The following NRXN3 variants were observed in gnomAD, a reference collection of about 807,000 sequenced individuals.
NRXN3 encodes the protein neurexin III.
NRXN3 carries 32 observed loss-of-function variants against 137.6 expected under a neutral mutation model. That is an observed-to-expected ratio of 0.23 (90% CI 0.18 to 0.31). The LOEUF (loss-of-function observed/expected upper bound fraction) is 0.31, where lower values mean the gene tolerates loss of function less well. Ranked by LOEUF, NRXN3 falls within the 10% of genes least tolerant of loss-of-function variation. The pLI, the probability that NRXN3 is intolerant of heterozygous loss-of-function variation, is 1.00. For synonymous variants in NRXN3, 798 were observed against 784.5 expected, an observed-to-expected ratio of 1.02 and a Z score of -0.29; for missense variants, 1,574 against 2,062.5, an observed-to-expected ratio of 0.76 and a Z score of 4.59.
At chr14:78,716,134 C>T (rs1389562640) in intron 8 of NRXN3, among the ~76,000 whole-genome samples, 2 of 152,142 alleles carry the variant, frequency 1.3e-5, no homozygotes, top group South Asian at 2.1e-4. Flanking sequence ...GGAGGATTCC[C>T]TTTTCGTTCA....
intron 8 of NRXN3, among the ~76,000 whole-genome samples, chr14:78,718,338 G>A (rs1057291558): frequency 3.3e-5 from 5 of 152,278 alleles, no homozygotes; most frequent in African/African-American, 1.2e-4. Flanking sequence ...GTGTTAGAAA[G>A]AAGCACTTGT....
intron 15 of NRXN3, among the ~76,000 whole-genome samples, chr14:79,205,463 A>C (rs1034705236): frequency 6.6e-6 from 1 of 152,204 alleles, no homozygotes; most frequent in Non-Finnish European, 1.5e-5. Context: ...CTGCCTAAAA[A>C]GTTTGTTACT....
At chr14:79,190,888 C>T (rs1170943277) in intron 15 of NRXN3, among the ~76,000 whole-genome samples, 2 of 152,112 alleles carry the variant, frequency 1.3e-5, no homozygotes, top group South Asian at 4.1e-4. Flanking sequence ...TTCAAGGTCT[C>T]AGGATTTACC....
chr14:79,614,050 C>A (rs1472245572), intron 16 of NRXN3, among the ~76,000 whole-genome samples: 1 of 152,208 alleles, frequency 6.6e-6, no homozygotes, highest in Non-Finnish European at 1.5e-5. Context: ...TATCTGACTG[C>A]CAGCACAGTT....
intron 10 of NRXN3, among the ~76,000 whole-genome samples, chr14:78,823,836 TA>T (rs139967518): frequency 0.023 from 3,467 of 149,010 alleles, 117 homozygotes; most frequent in South Asian, 0.12. Flanking sequence ...GGTTACACGT[TA>T]AAAAAAAAAT....
intron 15 of NRXN3, among the ~76,000 whole-genome samples, chr14:79,227,824 T>TCCTCCCTTCCTCCCTCCCTTCCTC (rs771980665): frequency 3.6e-5 from 3 of 83,314 alleles, no homozygotes; most frequent in Admixed American, 1.3e-4. Context: ...CTTCCTCCCT[T>TCCTCCCTTCCTCCCTCCCTTCCTC]CCTCCCTTCC....
chr14:79,330,443 T>C (rs1003001201), intron 15 of NRXN3, among the ~76,000 whole-genome samples: 1 of 152,102 alleles, frequency 6.6e-6, no homozygotes, highest in African/African-American at 2.4e-5. Context: ...TGAACCTGTA[T>C]TGTGTGTATC....
At chr14:79,342,333 T>G (rs1018365931) in intron 15 of NRXN3, among the ~76,000 whole-genome samples, 14 of 152,222 alleles carry the variant, frequency 9.2e-5, no homozygotes, top group Non-Finnish European at 1.5e-5. Context: ...AACACAGGGT[T>G]GTCCCCAGAC....
At chr14:79,573,215 G>A (rs978090995) in intron 16 of NRXN3, among the ~76,000 whole-genome samples, 1 of 152,104 alleles carries the variant, frequency 6.6e-6, no homozygotes, top group South Asian at 2.1e-4. Context: ...TGAGGAAAGG[G>A]AGAGAGAGAG....
chr14:78,518,685 C>G (rs897128274), intron 4 of NRXN3, among the ~76,000 whole-genome samples: 2 of 152,054 alleles, frequency 1.3e-5, no homozygotes, highest in African/African-American at 4.8e-5. Flanking sequence ...AAAAGTCAGG[C>G]TTTTTGAATT....
intron 15 of NRXN3, among the ~76,000 whole-genome samples, chr14:79,201,790 G>A (rs2066048032): frequency 6.6e-6 from 1 of 152,224 alleles, no homozygotes; most frequent in African/African-American, 2.4e-5. Context: ...CAACATAAGA[G>A]TGAATGTTTA....
At chr14:79,346,159 C>CCTATAAT (rs1345072811) in intron 15 of NRXN3, among the ~76,000 whole-genome samples, 1 of 152,158 alleles carries the variant, frequency 6.6e-6, no homozygotes, top group Non-Finnish European at 1.5e-5. Flanking sequence ...GTGGCTCACG[C>CCTATAAT]CTATAATCCC....
At chr14:78,295,128 C>G (rs888217158) in intron 3 of NRXN3, among the ~76,000 whole-genome samples, 1 of 152,146 alleles carries the variant, frequency 6.6e-6, no homozygotes, top group African/African-American at 2.4e-5. Context: ...CAGGTTTGTG[C>G]AAGAAAATGT....
At chr14:79,499,762 C>T (rs1382434089) in intron 16 of NRXN3, among the ~76,000 whole-genome samples, 1 of 152,076 alleles carries the variant, frequency 6.6e-6, no homozygotes, top group Non-Finnish European at 1.5e-5. Flanking sequence ...TACCAGCCAC[C>T]CTAATCTAGG....
intron 15 of NRXN3, among the ~76,000 whole-genome samples, chr14:79,227,290 T>C (rs2071110678): frequency 6.6e-6 from 1 of 152,156 alleles, no homozygotes; most frequent in Non-Finnish European, 1.5e-5. Context: ...GCATTGCCTT[T>C]GGTGCATCCT....
chr14:78,802,768 A>G (rs1434342700), intron 8 of NRXN3, among the ~76,000 whole-genome samples: 1 of 152,094 alleles, frequency 6.6e-6, no homozygotes, highest in African/African-American at 2.4e-5. Flanking sequence ...CAACATGGCA[A>G]AAACCCATCT....
chr14:79,036,525 C>T (rs1267618608), intron 15 of NRXN3, among the ~76,000 whole-genome samples: 1 of 150,146 alleles, frequency 6.7e-6, no homozygotes, highest in Non-Finnish European at 1.5e-5. Context: ...TGGAAAAGTC[C>T]CAGGAGTGAA....
rs144082776 is a variant in NRXN3 at position 79,005,294 on chromosome 14, A to C, written c.3262+17153A>C. On this transcript the variant is annotated intron_variant, in intron 15 of 20. Coordinates refer to ENST00000335750, the MANE Select transcript of NRXN3 (RefSeq NM_001330195.2). ...TTCTTGGCCCCTGCCTTACAGCTAG[A>C]AAAAGTCATGTACTTGGCAATTACT... Among the ~76,000 whole-genome samples, 1,082 of 152,326 alleles carry C rather than the reference A, an allele frequency of 7.1e-3. 17 individuals are homozygous for C. The highest frequency in any genetic ancestry group is 0.023 in the African/African-American group (963 of 41,576).
intron 3 of NRXN3, among the ~76,000 whole-genome samples, chr14:78,293,712 C>T (rs112986496): frequency 3.7e-4 from 57 of 152,276 alleles, no homozygotes; most frequent in African/African-American, 1.4e-3. Context: ...TTTTCTTTTG[C>T]CCATGAACCC....
Sources: gnomAD v4.1 joint callset for allele counts (sites outside exome capture counted in the v4.1 genomes callset) on GRCh38, gnomAD v4.1.1 for gene constraint, MANE v1.5 for transcripts, NCBI Gene and HGNC (gene_info 2026-07-23, HGNC 2026-07-21) for gene names.